FRAS1: variants seen among roughly 807,000 people sequenced by gnomAD.
FRAS1 encodes the protein extracellular matrix organizing protein FRAS1.
A neutral mutation model predicts 435.2 loss-of-function variants in FRAS1; 290 were observed. The ratio of observed to expected loss-of-function variants is 0.67; its 90% CI spans 0.61 to 0.73. The LOEUF is 0.73. FRAS1 is among the 30% of genes least tolerant of loss of function. The probability of loss-of-function intolerance (pLI) is 0.00; values close to 1 mark genes in which losing one functional copy is unlikely to be tolerated. For missense variants in FRAS1, 4,860 were observed against 5,001.5 expected (o/e 0.97, Z 0.85); for synonymous variants, 1,800 against 1,851.0 (o/e 0.97, Z 0.71).
intron 2 of FRAS1, among the ~76,000 whole-genome samples, chr4:78,131,334 C>T (rs747623468): frequency 6.6e-6 from 1 of 152,158 alleles, no homozygotes; most frequent in African/African-American, 2.4e-5. Flanking sequence ...CAGTATTAGT[C>T]TTTTCCTTTC....
chr4:78,308,977 A>G (rs1011299240), intron 15 of FRAS1, among the ~76,000 whole-genome samples: 1 of 152,246 alleles, frequency 6.6e-6, no homozygotes, highest in Non-Finnish European at 1.5e-5. Flanking sequence ...GATTAAGTTA[A>G]GGATCTTGAT....
At chr4:78,142,521 G>A (rs2110000073) in intron 2 of FRAS1, among the ~76,000 whole-genome samples, 1 of 152,228 alleles carries the variant, frequency 6.6e-6, no homozygotes, top group African/African-American at 2.4e-5. Context: ...CAGGGTTGCA[G>A]ATAATGAACG....
chr4:78,509,941 T>C (rs969622227), intron 63 of FRAS1, among the ~76,000 whole-genome samples: 2 of 152,214 alleles, frequency 1.3e-5, no homozygotes, highest in East Asian at 3.8e-4. Flanking sequence ...CCCACTGTAA[T>C]AAGAGCTTCA....
intron 40 of FRAS1, among the ~76,000 whole-genome samples, chr4:78,440,079 G>A (rs988168007): frequency 6.9e-6 from 1 of 145,456 alleles, no homozygotes; most frequent in African/African-American, 2.6e-5. Flanking sequence ...GCGGGACTGC[G>A]GACTGCAGTG....
chr4:78,401,499 T>C lies in FRAS1; in HGVS notation c.4129+612T>C, dbSNP rs147986623. ...AGGACACTGAAGGCCAGTTATTGCA[T>C]GAGCTTAATAGCATAGCTTCTCCAA... On this transcript the variant is annotated intron_variant, in intron 30 of 73. Coordinates refer to ENST00000512123, the MANE Select transcript of FRAS1 (RefSeq NM_025074.7). Among the ~76,000 whole-genome samples, 1,502 of 152,334 alleles carry C rather than the reference T, an allele frequency of 9.9e-3. 26 individuals are homozygous for C. The highest frequency in any genetic ancestry group is 0.035 in the African/African-American group (1,439 of 41,564).
At chr4:78,298,714 T>A (rs1265504640) in intron 14 of FRAS1, among the ~76,000 whole-genome samples, 1 of 152,230 alleles carries the variant, frequency 6.6e-6, no homozygotes. Flanking sequence ...AGAAGGTAAC[T>A]GAAAGGATGA....
Position 78,511,510 on chromosome 4 carries a change from A to G in FRAS1, c.10013+4A>G. The G allele has an allele frequency of 6.2e-7, 1 of 1,607,986 alleles. No homozygotes were observed. Among genetic ancestry groups the G allele is most frequent in the Non-Finnish European group, 8.5e-7 (1 of 1,175,486 alleles). On this transcript the variant is annotated splice_donor_region_variant and intron_variant, in intron 64 of 73. Transcript: ENST00000512123. ...AACATAAGGAGCATCCGAACAGGTC[A>G]GGCAGGTGGTGCCTTCCACCACACA...
At chr4:78,084,622 T>A (rs1368837686) in intron 2 of FRAS1, among the ~76,000 whole-genome samples, 1 of 152,124 alleles carries the variant, frequency 6.6e-6, no homozygotes, top group Non-Finnish European at 1.5e-5. Context: ...TTGAGTCCTT[T>A]AAACATGATC....
intron 38 of FRAS1, among the ~76,000 whole-genome samples, chr4:78,438,068 C>CATTGGCTAAGCTAA (rs1456968285): frequency 1.3e-5 from 2 of 148,660 alleles, no homozygotes; most frequent in Non-Finnish European, 3.0e-5. Context: ...TAAAGTGAGC[C>CATTGGCTAAGCTAA]ATTGGCTAAG....
intron 13 of FRAS1, chr4:78,286,197 A>G: frequency 1.4e-6 from 1 of 690,430 alleles, no homozygotes; most frequent in Non-Finnish European, 2.6e-6. Flanking sequence ...TGTGAGAATT[A>G]AATGAATTCA....
rs1007481617 is a variant in FRAS1 at position 78,334,363 on chromosome 4, C to CTTTTTTTTT, written c.2278+969_2278+977dup. ...AAAACATAAAGTCATAACCAATTTT[C>CTTTTTTTTT]TTTTTTTTTTTTTTTTTTTTTTTTT... On this transcript the variant is annotated intron_variant, in intron 19 of 73. Coordinates refer to ENST00000512123, the MANE Select transcript of FRAS1 (RefSeq NM_025074.7). Among the ~76,000 whole-genome samples the CTTTTTTTTT allele has an allele frequency of 9.8e-5, 9 of 92,270 alleles. 1 individual carries two copies. Among genetic ancestry groups the CTTTTTTTTT allele is most frequent in the African/African-American group, 2.7e-4 (6 of 22,090 alleles). 60.5% of individuals were successfully genotyped at this position (92,270 alleles called of 152,430 possible).
rs939826856 is a variant in FRAS1 at position 78,540,686 on chromosome 4, C to T, written c.11601C>T (p.Ser3867=). 1 of 1,613,570 alleles carries T rather than the reference C, an allele frequency of 6.2e-7. No homozygotes were observed. The highest frequency in any genetic ancestry group is 8.5e-7 in the Non-Finnish European group (1 of 1,179,726). The change falls in exon 74 of 74, where the codon TCC becomes TCT. Residue 3867 remains serine, a synonymous_variant. Transcript: ENST00000512123. Reference sequence around the variant, plus strand: ...ATGGCCAGCTGATCCTTGATGATTCCCTCATCTATGACAATGAAGGAGACC... The same window carrying T: ...ATGGCCAGCTGATCCTTGATGATTCTCTCATCTATGACAATGAAGGAGACC... The part of the protein sequence containing the change: ...EPDGQLILDD[S]LIYDNEGDQV...
chr4:78,204,008 C>G (rs1723151980), intron 2 of FRAS1, among the ~76,000 whole-genome samples: 1 of 152,132 alleles, frequency 6.6e-6, no homozygotes, highest in African/African-American at 2.4e-5. Flanking sequence ...TTCCTGAGTA[C>G]AAAAAGGCTG....
chr4:78,257,529 T>A (rs1725849502), intron 6 of FRAS1, among the ~76,000 whole-genome samples: 1 of 152,212 alleles, frequency 6.6e-6, no homozygotes. Context: ...ATTTTCATGA[T>A]TTTTAATGTA....
intron 67 of FRAS1, among the ~76,000 whole-genome samples, chr4:78,520,298 C>T (rs1369848273): frequency 2.0e-5 from 3 of 150,860 alleles, no homozygotes; most frequent in Non-Finnish European, 4.4e-5. Context: ...GTACTTCACA[C>T]ACTACCCCTA....
At chr4:78,444,119 T>G (rs1560731586) in intron 41 of FRAS1, 1 of 450,410 alleles carries the variant, frequency 2.2e-6, no homozygotes, top group East Asian at 7.1e-5. Flanking sequence ...CCTCCCAAAG[T>G]GTTGGGATTA....
At chr4:78,203,229 A>G (rs1447637617) in intron 2 of FRAS1, among the ~76,000 whole-genome samples, 1 of 152,192 alleles carries the variant, frequency 6.6e-6, no homozygotes, top group African/African-American at 2.4e-5. Flanking sequence ...GTGTGATAAA[A>G]TGGGGTAAGT....
At chr4:78,160,926 G>A (rs932466816) in intron 2 of FRAS1, among the ~76,000 whole-genome samples, 5 of 152,118 alleles carry the variant, frequency 3.3e-5, no homozygotes, top group African/African-American at 7.2e-5. Flanking sequence ...ATCACTGAAG[G>A]TTAGGAGTTT....
Position 78,221,091 on chromosome 4 carries a change from C to T in FRAS1, c.109-16419C>T, listed in dbSNP as rs567809210. ...GCTGAAGTGGGAGGATGGCTTGAGC[C>T]CAGGAGGCAGAGATTGCCGTGAGCT... is the stretch of plus-strand genomic sequence containing the variant. On this transcript the variant is annotated intron_variant, in intron 2 of 73. Coordinates refer to ENST00000512123, the MANE Select transcript of FRAS1 (RefSeq NM_025074.7). Among the ~76,000 whole-genome samples, 4 of 152,216 alleles carry T rather than the reference C, an allele frequency of 2.6e-5. No homozygotes were observed. The East Asian group carries it at 7.7e-4, about 29-fold the overall frequency.
Sources: allele counts gnomAD v4.1 joint callset (sites outside exome capture counted in the v4.1 genomes callset), GRCh38; gene constraint gnomAD v4.1.1; transcripts MANE v1.5; gene names NCBI Gene and HGNC (gene_info 2026-07-23, HGNC 2026-07-21).